OXCT1: variants seen among roughly 807,000 people sequenced by gnomAD.
OXCT1 encodes 3-oxoacid CoA-transferase 1.
In OXCT1, 27 loss-of-function variants were observed where a neutral mutation model predicts 69.6. The ratio of observed to expected loss-of-function variants is 0.39; its 90% CI spans 0.29 to 0.54. The LOEUF (loss-of-function observed/expected upper bound fraction) is 0.54. Among genes scored for constraint, OXCT1 ranks in the 20% least tolerant of loss-of-function variants. The pLI is 0.72. For missense variants in OXCT1, 437 were observed against 650.2 expected, an observed-to-expected ratio of 0.67 and a Z score of 3.57; for synonymous variants, 202 against 217.8, an observed-to-expected ratio of 0.93 and a Z score of 0.64.
At chr5:41,829,848 G>A (rs1748005911) in intron 7 of OXCT1, among the ~76,000 whole-genome samples, 1 of 152,058 alleles carries the variant, frequency 6.6e-6, no homozygotes, top group African/African-American at 2.4e-5. Flanking sequence ...ACTACAATAT[G>A]TCTTCATTGA....
intron 14 of OXCT1, among the ~76,000 whole-genome samples, chr5:41,757,791 A>G (rs1206560584): frequency 6.6e-6 from 1 of 152,070 alleles, no homozygotes; most frequent in East Asian, 1.9e-4. Flanking sequence ...AACACCTAAG[A>G]ATGGGAAACA....
At chr5:41,827,812 G>A (rs191110648) in intron 7 of OXCT1, among the ~76,000 whole-genome samples, 89 of 152,292 alleles carry the variant, frequency 5.8e-4, no homozygotes, top group Admixed American at 2.6e-3. Context: ...CTACAAGGCA[G>A]TTTAGAAAAC....
Position 41,731,391 on chromosome 5 carries a change from A to G in OXCT1, c.*338T>C. On this transcript the variant is annotated 3_prime_UTR_variant, in exon 17 of 17. Coordinates refer to ENST00000196371, the MANE Select transcript of OXCT1 (RefSeq NM_000436.4). ...GGACTAATAATTAATATTTAAGAGGAAAGCCACATCAATTTCTAGGGCCCT... is the reference window on the plus strand; with the variant it reads ...GGACTAATAATTAATATTTAAGAGGGAAGCCACATCAATTTCTAGGGCCCT... 1 of 1,054,700 alleles carries G rather than the reference A, an allele frequency of 9.5e-7. No homozygotes were observed. The highest frequency in any genetic ancestry group is 1.1e-6 in the Non-Finnish European group (1 of 870,620). 65.3% of individuals were successfully genotyped at this position (1,054,700 alleles called of 1,614,324 possible).
At position 41,853,775 on chromosome 5, in the gene OXCT1, T is replaced by C. The variant is rs1749301505; in HGVS notation, c.279-221A>G. 6.3e-6 allele frequency: 4 copies of C among 632,014 alleles called. No individual in the cohort carries two copies. The Admixed American group carries it at 9.0e-5, about 14-fold the overall frequency. The allele number at this position is 632,014 out of a possible 1,614,324, so 39.2% of individuals were successfully genotyped here. A position where few individuals can be genotyped will look rare whatever the true frequency, so the allele number is the denominator to read the frequency against. On this transcript the variant is annotated intron_variant, in intron 3 of 16. Transcript: ENST00000196371. ...AAAAGTCAAGAAGTTTAAGTTATTTTTTTGTGGGAGCGGGGCATGCACAGG... is the reference window on the plus strand; with the variant it reads ...AAAAGTCAAGAAGTTTAAGTTATTTCTTTGTGGGAGCGGGGCATGCACAGG...
At chr5:41,851,631 A>G (rs1426310506) in intron 4 of OXCT1, among the ~76,000 whole-genome samples, 1 of 152,024 alleles carries the variant, frequency 6.6e-6, no homozygotes, top group African/African-American at 2.4e-5. Flanking sequence ...AGGCTGCAAA[A>G]TAAGCTGCCA....
intron 6 of OXCT1, among the ~76,000 whole-genome samples, chr5:41,842,031 C>A (rs546658923): frequency 6.6e-6 from 1 of 152,278 alleles, no homozygotes; most frequent in South Asian, 2.1e-4. Context: ...TTGGAAAACT[C>A]TTAAGTGTAC....
chr5:41,828,061 C>T (rs1355324742), intron 7 of OXCT1, among the ~76,000 whole-genome samples: 2 of 152,172 alleles, frequency 1.3e-5, no homozygotes, highest in African/African-American at 4.8e-5. Context: ...GAAGATTCCA[C>T]CCATCATCCT....
At chr5:41,753,310 GACAC>G (rs56169527) in intron 14 of OXCT1, among the ~76,000 whole-genome samples, 3,320 of 149,982 alleles carry the variant, frequency 0.022, 117 homozygotes, top group South Asian at 0.084. Context: ...CACACACATA[GACAC>G]ACACACACAC....
At chr5:41,737,503 T>C (rs981443667) in intron 16 of OXCT1, among the ~76,000 whole-genome samples, 1 of 152,226 alleles carries the variant, frequency 6.6e-6, no homozygotes, top group Admixed American at 6.5e-5. Context: ...AGGTTAATTC[T>C]TCCACATAGA....
chr5:41,749,608 C>T lies in OXCT1; in HGVS notation c.1339-1G>A. 1 of 1,596,700 alleles carries T rather than the reference C, an allele frequency of 6.3e-7. No individual in the cohort carries two copies. The highest frequency in any genetic ancestry group is 8.6e-7 in the Non-Finnish European group (1 of 1,165,630). The stretch of plus-strand genomic sequence containing the variant: ...TCTCCATGATTTTATGTGCATTTCC[C>T]TGTTTTAAAAAGAAAACATCAAAAA... On this transcript the variant is annotated splice_acceptor_variant, in intron 14 of 16. Coordinates refer to ENST00000196371, the MANE Select transcript of OXCT1 (RefSeq NM_000436.4). LOFTEE classifies it high-confidence loss of function.
chr5:41,815,874 G>C (rs2112311785), intron 7 of OXCT1, among the ~76,000 whole-genome samples: 1 of 152,198 alleles, frequency 6.6e-6, no homozygotes, highest in African/African-American at 2.4e-5. Context: ...GCTGCCTATT[G>C]GTAATGCCAA....
At chr5:41,824,068 A>G (rs1747689385) in intron 7 of OXCT1, among the ~76,000 whole-genome samples, 1 of 152,226 alleles carries the variant, frequency 6.6e-6, no homozygotes, top group Non-Finnish European at 1.5e-5. Context: ...GCATAATGTA[A>G]AATGCACCTC....
intron 9 of OXCT1, 73 bp downstream of exon 9, chr5:41,805,494 G>C: frequency 1.1e-6 from 1 of 949,298 alleles, no homozygotes; most frequent in Non-Finnish European, 1.7e-6. Flanking sequence ...CTATGCAAGA[G>C]GTCTAATAGC....
At chr5:41,771,470 T>C (rs1237611625) in intron 13 of OXCT1, among the ~76,000 whole-genome samples, 1 of 152,196 alleles carries the variant, frequency 6.6e-6, no homozygotes, top group Non-Finnish European at 1.5e-5. Flanking sequence ...TAAGGTCACA[T>C]AGACTAACAC....
intron 13 of OXCT1, among the ~76,000 whole-genome samples, chr5:41,792,529 T>C (rs376100086): frequency 2.6e-5 from 4 of 152,190 alleles, no homozygotes; most frequent in African/African-American, 9.7e-5. Context: ...CTACCCCGTA[T>C]GGCCCTTTTC....
rs76871244 is a variant in OXCT1 at position 41,739,127 on chromosome 5, C to G, written c.1521+263G>C. Among the ~76,000 whole-genome samples the G allele has an allele frequency of 0.022, 3,351 of 152,306 alleles. 66 individuals are homozygous for G. The highest frequency in any genetic ancestry group is 0.031 in the Non-Finnish European group (2,106 of 68,014). On this transcript the variant is annotated intron_variant, in intron 16 of 16. Transcript: ENST00000196371. ...TCAAAACATAAAGTAGCTTAGAGCT[C>G]AAGCTCAACCTTGTTTCTAGCAGCT... is the stretch of plus-strand genomic sequence containing the variant.
chr5:41,864,959 CCTAA>C lies in OXCT1; in HGVS notation c.79-2213_79-2210del, dbSNP rs924140055. Among the ~76,000 whole-genome samples, 14 of 152,202 alleles carry C rather than the reference CCTAA, an allele frequency of 9.2e-5. No individual in the cohort carries two copies. In the East Asian group the frequency reaches 1.2e-3, roughly 13 times the overall value. ...TCAACAGTCTGTGCAGTAAGATCAC[CCTAA>C]CTATTTCAATATGCTGAGAAACACA... On this transcript the variant is annotated intron_variant, in intron 1 of 16. Transcript: ENST00000196371.
chr5:41,745,777 C>T (rs1242349935), intron 15 of OXCT1, among the ~76,000 whole-genome samples: 8 of 152,148 alleles, frequency 5.3e-5, no homozygotes, highest in East Asian at 1.9e-4. Context: ...AACACCTCTA[C>T]GCAAATAAAC....
At chr5:41,818,519 C>T (rs921743794) in intron 7 of OXCT1, among the ~76,000 whole-genome samples, 1 of 152,172 alleles carries the variant, frequency 6.6e-6, no homozygotes. Context: ...GTCCTTCACA[C>T]TTCAAAAAAT....
Sources: allele counts gnomAD v4.1 joint callset (sites outside exome capture counted in the v4.1 genomes callset), GRCh38; gene constraint gnomAD v4.1.1; transcripts MANE v1.5; gene names NCBI Gene and HGNC (gene_info 2026-07-23, HGNC 2026-07-21).